Variants in SEPTIN7 observed in about 807,000 individuals in gnomAD.
The protein encoded by SEPTIN7 is septin 7, also known as septin-7.
A neutral mutation model predicts 63.3 loss-of-function variants in SEPTIN7; 10 were observed. The observed-to-expected ratio is 0.16, with a 90% CI of 0.10 to 0.27. The LOEUF (loss-of-function observed/expected upper bound fraction) is 0.27. Among genes scored for constraint, SEPTIN7 ranks in the 10% least tolerant of loss-of-function variants. SEPTIN7 has a pLI of 1.00. For synonymous variants in SEPTIN7, 131 were observed against 165.3 expected, an observed-to-expected ratio of 0.79 and a Z score of 1.59; for missense variants, 310 against 521.0, an observed-to-expected ratio of 0.59 and a Z score of 3.94.
intron 1 of SEPTIN7, among the ~76,000 whole-genome samples, chr7:35,813,688 T>C (rs932580222): frequency 1.3e-5 from 2 of 152,228 alleles, no homozygotes; most frequent in Non-Finnish European, 2.9e-5. Flanking sequence ...ATTAGTATTC[T>C]TGCTTCTGGT....
chr7:35,801,023 G>A (rs1200341317), upstream of SEPTIN7: 1 of 461,408 alleles, frequency 2.2e-6, no homozygotes, highest in Non-Finnish European at 3.8e-6. Context: ...CGGAAGCCTC[G>A]TCTGAGGGGG....
At chr7:35,896,453 A>T (rs1324578358) in intron 11 of SEPTIN7, among the ~76,000 whole-genome samples, 2 of 152,110 alleles carry the variant, frequency 1.3e-5, no homozygotes, top group African/African-American at 4.8e-5. Context: ...ATCTAACAAA[A>T]GCTTTGGACC....
intron 3 of SEPTIN7, among the ~76,000 whole-genome samples, chr7:35,844,778 T>G (rs1005627630): frequency 3.9e-5 from 6 of 152,164 alleles, no homozygotes; most frequent in African/African-American, 1.4e-4. Context: ...AATTTTTGTA[T>G]TTTTAGTAAA....
At chr7:35,864,547 A>T (rs1438094933) in intron 4 of SEPTIN7, among the ~76,000 whole-genome samples, 1 of 152,098 alleles carries the variant, frequency 6.6e-6, no homozygotes, top group East Asian at 1.9e-4. Flanking sequence ...AAGACTGAGC[A>T]TGGAAAAAAA....
chr7:35,835,208 C>G (rs777504600), intron 3 of SEPTIN7, among the ~76,000 whole-genome samples: 1 of 152,040 alleles, frequency 6.6e-6, no homozygotes, highest in Non-Finnish European at 1.5e-5. Flanking sequence ...GGGTATAGGA[C>G]AGTTTGCCTC....
At chr7:35,814,487 G>GT (rs34638736) in intron 1 of SEPTIN7, among the ~76,000 whole-genome samples, 49,669 of 151,798 alleles carry the variant, frequency 0.33, 8,352 homozygotes, top group East Asian at 0.41. Context: ...AATTGTAAGG[G>GT]TTTTTTTAAT....
intron 2 of SEPTIN7, 111 bp from the exon 3 acceptor site, chr7:35,832,687 G>T (rs1328849289): frequency 1.4e-6 from 1 of 732,342 alleles, no homozygotes; most frequent in Non-Finnish European, 2.5e-6. Flanking sequence ...AGTTTGATTT[G>T]CTGTGAATAA....
At chr7:35,901,043 G>C (rs1365195411) in intron 12 of SEPTIN7, 1 of 152,072 alleles carries the variant, frequency 6.6e-6, no homozygotes, top group East Asian at 1.9e-4. Flanking sequence ...TACATAAATA[G>C]GTAAAGAAAC....
intron 1 of SEPTIN7, among the ~76,000 whole-genome samples, chr7:35,809,738 C>G (rs767079874): frequency 2.0e-5 from 3 of 152,166 alleles, no homozygotes; most frequent in Non-Finnish European, 4.4e-5. Context: ...GGTAAGTAGG[C>G]AACTGGTATT....
chr7:35,882,408 G>C (rs1212501994), intron 7 of SEPTIN7, 76 bp from the exon 8 acceptor site: 20 of 1,081,976 alleles, frequency 1.8e-5, no homozygotes, highest in Non-Finnish European at 2.4e-5. Context: ...AGGAATCGAA[G>C]AGGCATGTAA....
chr7:35,864,839 C>G (rs186403835), intron 4 of SEPTIN7, among the ~76,000 whole-genome samples: 1 of 152,192 alleles, frequency 6.6e-6, no homozygotes, highest in African/African-American at 2.4e-5. Context: ...GGCAGTGATG[C>G]TTTTAGCTGG....
intron 4 of SEPTIN7, among the ~76,000 whole-genome samples, chr7:35,869,685 A>G (rs1475440180): frequency 6.6e-6 from 1 of 152,128 alleles, no homozygotes; most frequent in African/African-American, 2.4e-5. Flanking sequence ...AAAACTGAAA[A>G]CTCAGTATAC....
At chr7:35,878,884 T>C (rs1001351106) in intron 6 of SEPTIN7, among the ~76,000 whole-genome samples, 8 of 152,192 alleles carry the variant, frequency 5.3e-5, no homozygotes, top group African/African-American at 1.7e-4. Context: ...CAGTGAGATA[T>C]GAGCTGTCTA....
At chr7:35,914,655 C>CTA in the SEPTIN7 span, among the ~76,000 whole-genome samples, 35 of 92,024 alleles carry the variant, frequency 3.8e-4, no homozygotes, top group African/African-American at 9.3e-4. Context: ...CTCTCTCTCT[C>CTA]TCTCTATATA....
intron 3 of SEPTIN7, among the ~76,000 whole-genome samples, chr7:35,860,110 TTC>T (rs1785423560): frequency 6.6e-6 from 1 of 151,808 alleles, no homozygotes; most frequent in Non-Finnish European, 1.5e-5. Flanking sequence ...TTTGATTCCC[TTC>T]TCTTTTTTTT....
In SEPTIN7 at chr7:35,806,002, T is replaced by C. The variant is rs546786546; in HGVS notation, c.61+4732T>C. On this transcript the variant is annotated intron_variant, in intron 1 of 13. Transcript: ENST00000350320. ...GGGCTGTCTTGAGCATTGTACAGTATTTACCAGCATCCCTGCTGTCATCGT... is the reference window on the plus strand; with the variant it reads ...GGGCTGTCTTGAGCATTGTACAGTACTTACCAGCATCCCTGCTGTCATCGT... 4.6e-5 allele frequency among the ~76,000 whole-genome samples: 7 copies of C among 152,310 alleles called. 1 individual carries two copies. The highest frequency in any genetic ancestry group is 2.6e-4 in the Admixed American group (4 of 15,306).
At chr7:35,833,271 C>T (rs945298869) in intron 3 of SEPTIN7, among the ~76,000 whole-genome samples, 1 of 151,908 alleles carries the variant, frequency 6.6e-6, no homozygotes, top group African/African-American at 2.4e-5. Flanking sequence ...AAGCATTTAA[C>T]TTAATGTGCT....
chr7:35,877,107 C>A (rs1346677136), intron 6 of SEPTIN7, among the ~76,000 whole-genome samples: 2 of 151,710 alleles, frequency 1.3e-5, no homozygotes, highest in African/African-American at 4.8e-5. Flanking sequence ...AAGACCCTGT[C>A]AAAAAAATAA....
intron 1 of SEPTIN7, among the ~76,000 whole-genome samples, chr7:35,830,181 T>A (rs1783761442): frequency 6.9e-6 from 1 of 145,204 alleles, no homozygotes; most frequent in Non-Finnish European, 1.5e-5. Context: ...AAATTCTGTC[T>A]CAAAAAAAAA....
Sources: gnomAD v4.1 joint callset for allele counts (sites outside exome capture counted in the v4.1 genomes callset) on GRCh38, gnomAD v4.1.1 for gene constraint, MANE v1.5 for transcripts, NCBI Gene and HGNC (gene_info 2026-07-23, HGNC 2026-07-21) for gene names.